Variants in GAS7 observed in about 807,000 individuals in gnomAD.
GAS7 encodes growth arrest specific 7.
In GAS7, 28 loss-of-function variants were observed where a neutral mutation model predicts 71.1. The ratio of observed to expected loss-of-function variants is 0.39; its 90% CI spans 0.29 to 0.54. The LOEUF (loss-of-function observed/expected upper bound fraction) is 0.54. Ranked by LOEUF, GAS7 falls within the 20% of genes least tolerant of loss-of-function variation. The pLI is 0.62. For missense variants in GAS7, 436 were observed against 627.8 expected, an observed-to-expected ratio of 0.69 and a Z score of 3.27; for synonymous variants, 258 against 245.8, an observed-to-expected ratio of 1.05 and a Z score of -0.46.
intron 2 of GAS7, among the ~76,000 whole-genome samples, chr17:10,018,221 T>C (rs1318154767): frequency 6.6e-6 from 1 of 152,228 alleles, no homozygotes; most frequent in African/African-American, 2.4e-5. Flanking sequence ...ATTTTGTACT[T>C]ACTGAATTTT....
intron 5 of GAS7, among the ~76,000 whole-genome samples, chr17:9,958,188 T>G (rs1205320058): frequency 6.6e-6 from 1 of 152,286 alleles, no homozygotes; most frequent in Non-Finnish European, 1.5e-5. Flanking sequence ...GTCATTAATA[T>G]AACCGACACT....
chr17:10,090,169 CA>C lies in GAS7; in HGVS notation c.184-70273del, dbSNP rs536907218. ...CGGCAATAGAGAGAGACTCCGTCTC[CA>C]AAAAAAAAAAAAGCAGCATGGCTGG... On this transcript the variant is annotated intron_variant, in intron 1 of 13. Transcript: ENST00000432992. 4.7e-3 allele frequency among the ~76,000 whole-genome samples: 588 copies of C among 126,088 alleles called. 1 individual carries two copies. The highest frequency in any genetic ancestry group is 5.1e-3 in the Non-Finnish European group (298 of 58,128). 82.7% of individuals were successfully genotyped at this position (126,088 alleles called of 152,430 possible).
At chr17:10,153,554 T>A (rs2074183600) in intron 1 of GAS7, among the ~76,000 whole-genome samples, 1 of 150,882 alleles carries the variant, frequency 6.6e-6, no homozygotes, top group African/African-American at 2.4e-5. Context: ...ATGAGAAACC[T>A]GAAGCCTGAC....
intron 1 of GAS7, among the ~76,000 whole-genome samples, chr17:10,078,060 T>C (rs1436395030): frequency 8.7e-6 from 1 of 115,516 alleles, no homozygotes; most frequent in African/African-American, 3.5e-5. Context: ...CTGTTGTGTG[T>C]GTGTGTGTGT....
intron 1 of GAS7, among the ~76,000 whole-genome samples, chr17:10,194,862 A>G (rs1203548465): frequency 2.3e-5 from 2 of 85,716 alleles, no homozygotes; most frequent in Non-Finnish European, 4.7e-5. Flanking sequence ...CTGTCTCAAA[A>G]AAAAAAAAAA....
chr17:10,126,298 T>C (rs1364361095), intron 1 of GAS7, among the ~76,000 whole-genome samples: 1 of 152,058 alleles, frequency 6.6e-6, no homozygotes, highest in Non-Finnish European at 1.5e-5. Context: ...AGAAATCACA[T>C]GCACATGAAT....
chr17:10,139,349 T>C (rs2074063389), intron 1 of GAS7, among the ~76,000 whole-genome samples: 1 of 152,230 alleles, frequency 6.6e-6, no homozygotes, highest in African/African-American at 2.4e-5. Context: ...AAACCATTTG[T>C]CCAGGGGACA....
At chr17:9,927,986 T>A (rs1275468400) in intron 9 of GAS7, among the ~76,000 whole-genome samples, 2 of 152,192 alleles carry the variant, frequency 1.3e-5, no homozygotes, top group African/African-American at 4.8e-5. Flanking sequence ...CTGGGTGGCA[T>A]CAGGGTTTTA....
At chr17:9,927,042 C>G in intron 9 of GAS7, 1 of 377,594 alleles carries the variant, frequency 2.6e-6, no homozygotes, top group Non-Finnish European at 4.7e-6. Flanking sequence ...CATCTGTTAA[C>G]TACTTTTTTT....
Position 9,943,175 on chromosome 17 carries a change from T to C in GAS7, c.677A>G (p.Lys226Arg). ...CTGCATTTGTTTGCCCTTCAGCTGT[T>C]TCTGGAGCAGTAGTTCAAACCCAGC... Reference protein sequence around the residue: ...TVAGFELLLQKQLKGKQMQKE... With the variant: ...TVAGFELLLQRQLKGKQMQKE... The change falls in exon 7 of 14, where the codon AAA becomes AGA. Residue 226 changes from lysine (K) to arginine (R), a missense_variant. By Grantham distance (26) the Lys-to-Arg change is conservative (BLOSUM62 2). Coordinates refer to ENST00000432992, the MANE Select transcript of GAS7 (RefSeq NM_201433.2). The C allele has an allele frequency of 1.2e-6, 2 of 1,613,888 alleles. No homozygotes were observed. Among genetic ancestry groups the C allele is most frequent in the Non-Finnish European group, 1.7e-6 (2 of 1,179,744 alleles).
chr17:10,009,538 T>G (rs2071676892), intron 2 of GAS7, among the ~76,000 whole-genome samples: 2 of 151,922 alleles, frequency 1.3e-5, no homozygotes, highest in South Asian at 4.1e-4. Context: ...TATAGATCTA[T>G]AAATCTATAG....
chr17:9,933,197 C>G (rs377425637), intron 9 of GAS7, among the ~76,000 whole-genome samples: 1 of 151,994 alleles, frequency 6.6e-6, no homozygotes, highest in Non-Finnish European at 1.5e-5. Flanking sequence ...ATAAATCAAT[C>G]AATAAATAAA....
intron 2 of GAS7, among the ~76,000 whole-genome samples, chr17:10,015,966 A>T (rs377653990): frequency 1.3e-5 from 2 of 152,320 alleles, no homozygotes; most frequent in African/African-American, 4.8e-5. Flanking sequence ...CACTATAAGA[A>T]GATAAACACT....
At position 10,186,725 on chromosome 17, in the gene GAS7, T is replaced by C. The variant is rs142817099; in HGVS notation, c.183+11483A>G. 2.5e-3 allele frequency among the ~76,000 whole-genome samples: 375 copies of C among 152,198 alleles called. 3 individuals are homozygous for C. Among genetic ancestry groups the C allele is most frequent in the African/African-American group, 8.6e-3 (355 of 41,516 alleles). On this transcript the variant is annotated intron_variant, in intron 1 of 13. Transcript: ENST00000432992. ...CCGGCCCAAAGCCTTCTTTATAATA[T>C]GAAAATATTAGACTGGGTTGGGTAC...
At chr17:10,035,249 C>A (rs1464283350) in intron 1 of GAS7, among the ~76,000 whole-genome samples, 2 of 152,124 alleles carry the variant, frequency 1.3e-5, no homozygotes, top group Non-Finnish European at 2.9e-5. Flanking sequence ...GGCAGCCACA[C>A]CTTGGTCAGA....
chr17:10,065,916 G>A (rs536726519), intron 1 of GAS7, among the ~76,000 whole-genome samples: 1 of 152,272 alleles, frequency 6.6e-6, no homozygotes, highest in African/African-American at 2.4e-5. Context: ...GACTCAGAGT[G>A]GAAGATATGC....
In GAS7 at chr17:10,192,034, A is replaced by G. The variant is rs79448156; in HGVS notation, c.183+6174T>C. The stretch of plus-strand genomic sequence containing the variant: ...CTAAAAACAAATTCTTAAAGATGGT[A>G]GGGAAGACAGAAAACGTGAAGAAAG... On this transcript the variant is annotated intron_variant, in intron 1 of 13. Coordinates refer to ENST00000432992, the MANE Select transcript of GAS7 (RefSeq NM_201433.2). Among the ~76,000 whole-genome samples the G allele has an allele frequency of 2.5e-3, 377 of 152,286 alleles. 1 individual carries two copies. Among genetic ancestry groups the G allele is most frequent in the African/African-American group, 8.8e-3 (364 of 41,550 alleles).
intron 1 of GAS7, among the ~76,000 whole-genome samples, chr17:10,125,635 T>G (rs2073939572): frequency 1.5e-5 from 2 of 136,508 alleles, no homozygotes; most frequent in Admixed American, 7.7e-5. Flanking sequence ...AAGAGGGGAG[T>G]AAAGGGTGAT....
chr17:10,078,841 G>C (rs2073425085), intron 1 of GAS7, among the ~76,000 whole-genome samples: 1 of 152,178 alleles, frequency 6.6e-6, no homozygotes, highest in South Asian at 2.1e-4. Flanking sequence ...TTGAGGCCAG[G>C]AGTTCAAGAC....
Sources: allele counts gnomAD v4.1 joint callset (sites outside exome capture counted in the v4.1 genomes callset), GRCh38; gene constraint gnomAD v4.1.1; transcripts MANE v1.5; gene names NCBI Gene and HGNC (gene_info 2026-07-23, HGNC 2026-07-21).